MYT1: variants seen among roughly 807,000 people sequenced by gnomAD.
MYT1 encodes the protein myelin transcription factor 1.
In MYT1, 23 loss-of-function variants were observed where a neutral mutation model predicts 123.0. That is an observed-to-expected ratio of 0.19 (90% CI 0.13 to 0.26). The LOEUF is 0.26. Ranked by LOEUF, MYT1 falls within the 10% of genes least tolerant of loss-of-function variation. The pLI, the probability that MYT1 is intolerant of heterozygous loss-of-function variation, is 1.00. For synonymous variants in MYT1, 518 were observed against 575.3 expected (o/e 0.90, Z 1.43); for missense variants, 1,125 against 1,472.5 (o/e 0.76, Z 3.86).
chr20:64,223,490 G>T, intron 16 of MYT1, 131 bp downstream of exon 16: 1 of 999,610 alleles, frequency 1.0e-6, no homozygotes, highest in Non-Finnish European at 1.6e-6. Context: ...CTCCTGAGAT[G>T]GGCAGAGGGG....
intron 4 of MYT1, among the ~76,000 whole-genome samples, chr20:64,201,591 G>A (rs1018011045): frequency 3.9e-5 from 6 of 152,318 alleles, no homozygotes; most frequent in Non-Finnish European, 7.3e-5. Context: ...CACGCTTCAC[G>A]TGGGCATGCC....
chr20:64,219,811 C>T lies in MYT1; in HGVS notation c.2070C>T (p.Ser690=), dbSNP rs776048097. Residue 690 remains serine, a synonymous_variant, in exon 13 of 23, where the codon AGC becomes AGT. Transcript: ENST00000328439. ...ENAFPSSSSC[S]SSPGVKSPDA... ...CTTTCCCCAGCAGCAGCAGCTGCAG[C>T]AGCAGCCCCGGTGTGAAGTCTCCCG... The T allele has an allele frequency of 6.2e-7, 1 of 1,613,784 alleles. No homozygotes were observed. Among genetic ancestry groups the T allele is most frequent in the East Asian group, 2.2e-5 (1 of 44,882 alleles).
At position 64,232,269 on chromosome 20, in the gene MYT1, G is replaced by C. The variant is rs760549273; in HGVS notation, c.2781G>C (p.Gly927=). The C allele has an allele frequency of 1.4e-5, 22 of 1,613,066 alleles. No homozygotes were observed. The highest frequency in any genetic ancestry group is 1.6e-4 in the Middle Eastern group (1 of 6,084). Residue 927 remains glycine, a synonymous_variant, in exon 19 of 23, where the codon GGG becomes GGC. Coordinates refer to ENST00000328439, the MANE Select transcript of MYT1 (RefSeq NM_004535.3). The surrounding 1 kb of genome is among the most constrained non-coding windows in gnomAD (Gnocchi z 6.9). ...TGGCCGCCCGCAGGCAGAAGGAAGG[G>C]TCCCTCAATGGCTCGTCATTCTCCT... ...CPLAARRQKE[G]SLNGSSFSWK... is the part of the protein sequence containing the mutation.
At chr20:64,239,435 G>A (rs1984647020) in intron 21 of MYT1, among the ~76,000 whole-genome samples, 1 of 152,098 alleles carries the variant, frequency 6.6e-6, no homozygotes, top group East Asian at 1.9e-4. Context: ...AGGACAGAGG[G>A]GCTCAGAAAA....
chr20:64,208,290 A>G lies in MYT1; in HGVS notation c.1094A>G (p.Asp365Gly), dbSNP rs1983560770. 6.2e-7 allele frequency: 1 copy of G among 1,614,050 alleles called. No individual in the cohort carries two copies. Among genetic ancestry groups the G allele is most frequent in the Admixed American group, 1.7e-5 (1 of 60,010 alleles). ...CACTCCCGGAAGTCAACAGTCACTGACGAGTCGGAGATGCAGGACATGATG... is the reference window on the plus strand; with the variant it reads ...CACTCCCGGAAGTCAACAGTCACTGGCGAGTCGGAGATGCAGGACATGATG... ...DTHSRKSTVT[D>G]ESEMQDMMTR... Residue 365 changes from aspartate (D) to glycine (G), a missense_variant, in exon 7 of 23, where the codon GAC becomes GGC. Coordinates refer to ENST00000328439, the MANE Select transcript of MYT1 (RefSeq NM_004535.3). This position sits in a 1 kb window ranked among gnomAD's most constrained non-coding sequence, Gnocchi z 5.4.
chr20:64,166,417 A>G lies in MYT1; in HGVS notation c.-99+1678A>G, dbSNP rs1443758263. ...GACGTTTGCCGAACTTCCCAGGGGT[A>G]CTTGCTGATCCAGGAGCTTGAGCAG... On this transcript the variant is annotated intron_variant, in intron 1 of 22. Transcript: ENST00000328439. The surrounding 1 kb of genome is among the most constrained non-coding windows in gnomAD (Gnocchi z 4.9). 6.6e-6 allele frequency among the ~76,000 whole-genome samples: 1 copy of G among 152,134 alleles called. No individual in the cohort carries two copies. The highest frequency in any genetic ancestry group is 6.5e-5 in the Admixed American group (1 of 15,274).
chr20:64,199,953 T>C (rs747680471), intron 4 of MYT1, 31 bp downstream of exon 4: 1 of 1,611,774 alleles, frequency 6.2e-7, no homozygotes, highest in African/African-American at 1.3e-5. Context: ...GCACCAAGCA[T>C]CGTCTATGTG....
At chr20:64,234,281 G>A (rs1984428924) in intron 19 of MYT1, among the ~76,000 whole-genome samples, 3 of 151,988 alleles carry the variant, frequency 2.0e-5, no homozygotes, top group Non-Finnish European at 4.4e-5. Flanking sequence ...GTATCTCAGA[G>A]GCAGACGCAG....
chr20:64,189,024 C>T lies in MYT1; in HGVS notation c.-98-1039C>T, dbSNP rs1370889185. On this transcript the variant is annotated intron_variant, in intron 1 of 22. Transcript: ENST00000328439. This position sits in a 1 kb window ranked among gnomAD's most constrained non-coding sequence, Gnocchi z 5.5. ...TATGCTCTGGAAGGTAATCCGAAGC[C>T]CTTTAATGGGATGGAAGCATTTCCA... is the stretch of plus-strand genomic sequence containing the variant. 1.3e-5 allele frequency among the ~76,000 whole-genome samples: 2 copies of T among 152,252 alleles called. No individual in the cohort carries two copies. Among genetic ancestry groups the T allele is most frequent in the East Asian group, 3.9e-4 (2 of 5,188 alleles).
rs1983133464 is a variant in MYT1, at chr20:64,196,717, G to A, written c.1-2145G>A. On this transcript the variant is annotated intron_variant, in intron 2 of 22. Transcript: ENST00000328439. The surrounding 1 kb of genome is among the most constrained non-coding windows in gnomAD (Gnocchi z 4.3). ...GCTCAGCAGAAGGAGCGGCAGAGCT[G>A]TCAGCTTCATCAACGGGAGCTCACA... Among the ~76,000 whole-genome samples, 1 of 151,826 alleles carries A rather than the reference G, an allele frequency of 6.6e-6. No individual in the cohort carries two copies. The highest frequency in any genetic ancestry group is 6.6e-5 in the Admixed American group (1 of 15,266).
At chr20:64,226,670 C>T (rs934889216) in intron 16 of MYT1, among the ~76,000 whole-genome samples, 6 of 152,208 alleles carry the variant, frequency 3.9e-5, no homozygotes, top group Non-Finnish European at 8.8e-5. Context: ...AGTGGACATT[C>T]GGAAGAAAAT....
rs190387736 is a variant in MYT1 at position 64,169,195 on chromosome 20, G to A, written c.-99+4456G>A. Among the ~76,000 whole-genome samples, 173 of 152,214 alleles carry A rather than the reference G, an allele frequency of 1.1e-3. 2 individuals carry two copies. In the East Asian group the frequency reaches 0.025, roughly 22 times the overall value. ...CTGCCTGAGTGGGAGGAGAGTGGGA[G>A]TTTGGATGCTCCATGGTGCACCAAG... On this transcript the variant is annotated intron_variant, in intron 1 of 22. Coordinates refer to ENST00000328439, the MANE Select transcript of MYT1 (RefSeq NM_004535.3).
chr20:64,170,137 C>T (rs1569303543), intron 1 of MYT1, among the ~76,000 whole-genome samples: 1 of 152,172 alleles, frequency 6.6e-6, no homozygotes, highest in African/African-American at 2.4e-5. Flanking sequence ...TTGTTACCCA[C>T]GATTCCCAAA....
At chr20:64,217,013 A>T in intron 10 of MYT1, 54 bp from the exon 11 acceptor site, 1 of 1,553,068 alleles carries the variant, frequency 6.4e-7, no homozygotes, top group Non-Finnish European at 8.8e-7. Context: ...GGAGGGTGGC[A>T]CGGGATCCCC....
rs1984333982 is a variant in MYT1 at position 64,232,021 on chromosome 20, G to A, written c.2676-143G>A. The A allele has an allele frequency of 9.3e-6, 7 of 756,128 alleles. No homozygotes were observed. Among genetic ancestry groups the A allele is most frequent in the Non-Finnish European group, 1.5e-5 (7 of 468,340 alleles). 46.8% of individuals were successfully genotyped at this position (756,128 alleles called of 1,614,324 possible). On this transcript the variant is annotated intron_variant, in intron 18 of 22. Coordinates refer to ENST00000328439, the MANE Select transcript of MYT1 (RefSeq NM_004535.3). This position sits in a 1 kb window ranked among gnomAD's most constrained non-coding sequence, Gnocchi z 6.9. ...GGCCAGTTCTTCCCTGAGGCTCCAG[G>A]ACCTCAGCGGCCCTCCCTGCCTCAC...
rs749661980 is a variant in MYT1 at position 64,232,332 on chromosome 20, C to T, written c.2844C>T (p.Thr948=). The T allele has an allele frequency of 2.8e-5, 45 of 1,612,900 alleles. No individual in the cohort carries two copies. The highest frequency in any genetic ancestry group is 3.8e-5 in the Non-Finnish European group (45 of 1,180,000). The change falls in exon 19 of 23, where the codon ACC becomes ACT. Residue 948 remains threonine (T), a synonymous_variant. Transcript: ENST00000328439. This position sits in a 1 kb window ranked among gnomAD's most constrained non-coding sequence, Gnocchi z 6.9. ...SLKNEGPTCP[T]PGCDGSGHAN... ...AGAATGAAGGACCGACCTGCCCCAC[C>T]CCGGGCTGTGACGGCTCTGGCCACG...
At position 64,192,478 on chromosome 20, in the gene MYT1, G is replaced by A. The variant is rs777845233; in HGVS notation, c.-1+2318G>A. On this transcript the variant is annotated intron_variant, in intron 2 of 22. Transcript: ENST00000328439. The surrounding 1 kb of genome is among the most constrained non-coding windows in gnomAD (Gnocchi z 5.3). Reference sequence around the variant, plus strand: ...GGTCAGCCTTCCAGAGGCTGGCTTCGGACAGGAGATGGGTGGTGAGGAGCC... The same window carrying A: ...GGTCAGCCTTCCAGAGGCTGGCTTCAGACAGGAGATGGGTGGTGAGGAGCC... 1.3e-5 allele frequency among the ~76,000 whole-genome samples: 2 copies of A among 152,174 alleles called. No individual in the cohort carries two copies. The highest frequency in any genetic ancestry group is 6.5e-5 in the Admixed American group (1 of 15,278).
At chr20:64,211,610 G>C (rs918159238) in intron 8 of MYT1, among the ~76,000 whole-genome samples, 1 of 152,248 alleles carries the variant, frequency 6.6e-6, no homozygotes, top group Admixed American at 6.5e-5. Context: ...CAGATCGATG[G>C]GAGGGGGACA....
intron 17 of MYT1, among the ~76,000 whole-genome samples, 189 bp downstream of exon 17, chr20:64,227,666 A>G (rs1470747962): frequency 6.6e-6 from 1 of 152,224 alleles, no homozygotes; most frequent in African/African-American, 2.4e-5. Context: ...ACAAGGGGTC[A>G]GGGCTAGGGG....
Sources: gnomAD v4.1 joint callset for allele counts (sites outside exome capture counted in the v4.1 genomes callset) on GRCh38, gnomAD v4.1.1 for gene constraint, Gnocchi (gnomAD v3.1) non-coding constraint, MANE v1.5 for transcripts, NCBI Gene and HGNC (gene_info 2026-07-23, HGNC 2026-07-21) for gene names.